Variants in HPSE2 observed in about 807,000 individuals in gnomAD.
HPSE2 encodes the protein inactive heparanase-2.
A neutral mutation model predicts 60.5 loss-of-function variants in HPSE2; 38 were observed. The ratio of observed to expected loss-of-function variants is 0.63; its 90% CI spans 0.48 to 0.82. The LOEUF is 0.82. HPSE2 is among the 40% of genes least tolerant of loss of function. The probability of loss-of-function intolerance (pLI) is 0.00; values close to 1 mark genes in which losing one functional copy is unlikely to be tolerated. For synonymous variants in HPSE2, 295 were observed against 293.2 expected (o/e 1.01, Z -0.06); for missense variants, 713 against 740.4 (o/e 0.96, Z 0.43).
chr10:98,525,427 TGCCATAAAA>T (rs1420242772), intron 9 of HPSE2, among the ~76,000 whole-genome samples: 2 of 152,202 alleles, frequency 1.3e-5, no homozygotes, highest in African/African-American at 4.8e-5. Context: ...CATAGGCATA[TGCCATAAAA>T]TGGAATAGGA....
At chr10:98,475,621 G>A (rs1029175428) in intron 11 of HPSE2, among the ~76,000 whole-genome samples, 2 of 152,144 alleles carry the variant, frequency 1.3e-5, no homozygotes, top group African/African-American at 4.8e-5. Flanking sequence ...GGAGTTGAAG[G>A]TGCCTGTGTA....
At chr10:99,152,856 G>C (rs1028713118) in intron 2 of HPSE2, among the ~76,000 whole-genome samples, 1 of 152,230 alleles carries the variant, frequency 6.6e-6, no homozygotes, top group Non-Finnish European at 1.5e-5. Flanking sequence ...CACCTCACTA[G>C]GGAGTGCCAG....
intron 2 of HPSE2, among the ~76,000 whole-genome samples, chr10:99,197,283 G>C (rs1323751809): frequency 6.6e-6 from 1 of 152,048 alleles, no homozygotes; most frequent in Non-Finnish European, 1.5e-5. Flanking sequence ...AAAATAGAAA[G>C]AATGAACAAG....
the HPSE2 span, among the ~76,000 whole-genome samples, chr10:99,268,728 ATAAT>A: frequency 1.7e-4 from 26 of 152,170 alleles, no homozygotes; most frequent in South Asian, 5.2e-3. Context: ...AATTAAATAA[ATAAT>A]AAATAAATAA....
rs539249304 is a variant in HPSE2, at chr10:98,633,383, T to G, written c.1098+8464A>C. ...CCCAGCTAATGTTTGTTTTCTTTTT[T>G]TGTGTGTGTGTGTAGATATGGGGTT... On this transcript the variant is annotated intron_variant, in intron 7 of 11. Transcript: ENST00000370552. Among the ~76,000 whole-genome samples the G allele has an allele frequency of 4.5e-4, 69 of 151,820 alleles. 1 individual carries two copies. The highest frequency in any genetic ancestry group is 3.3e-3 in the East Asian group (17 of 5,152).
intron 9 of HPSE2, among the ~76,000 whole-genome samples, chr10:98,565,724 G>T (rs1035324214): frequency 6.6e-6 from 1 of 152,086 alleles, no homozygotes; most frequent in Non-Finnish European, 1.5e-5. Context: ...ATGGTTTCTG[G>T]TTCTAGAAAA....
intron 3 of HPSE2, among the ~76,000 whole-genome samples, chr10:98,922,379 T>G (rs576693832): frequency 4.6e-5 from 7 of 152,276 alleles, no homozygotes; most frequent in African/African-American, 1.4e-4. Context: ...TTGGGGTACC[T>G]AGCATCTTTT....
intron 3 of HPSE2, among the ~76,000 whole-genome samples, chr10:99,049,717 AATTATT>A (rs796969185): frequency 6.6e-6 from 1 of 152,138 alleles, no homozygotes; most frequent in Admixed American, 6.6e-5. Context: ...CCAGATAAAT[AATTATT>A]AACAAATAAT....
At chr10:98,470,538 G>A (rs1213737332) in intron 11 of HPSE2, among the ~76,000 whole-genome samples, 3 of 152,198 alleles carry the variant, frequency 2.0e-5, no homozygotes, top group Non-Finnish European at 2.9e-5. Flanking sequence ...GGATAAGCTG[G>A]ATTAGAACTT....
chr10:98,700,339 G>C (rs199548194), intron 5 of HPSE2, among the ~76,000 whole-genome samples: 3 of 126,788 alleles, frequency 2.4e-5, no homozygotes, highest in Non-Finnish European at 3.6e-5. Context: ...AAATAACGCC[G>C]CATATCTACA....
At chr10:99,304,697 G>T in the HPSE2 span, among the ~76,000 whole-genome samples, 2 of 152,238 alleles carry the variant, frequency 1.3e-5, no homozygotes, top group African/African-American at 4.8e-5. Flanking sequence ...CAGGGCATTT[G>T]CCATTTCTGA....
At chr10:98,489,993 A>G in intron 10 of HPSE2, 58 bp downstream of exon 10, 1 of 1,607,282 alleles carries the variant, frequency 6.2e-7, no homozygotes, top group South Asian at 1.1e-5. Context: ...AGGGGTCCCA[A>G]ATGGTATGGG....
intron 2 of HPSE2, among the ~76,000 whole-genome samples, chr10:99,211,373 C>T (rs1240264737): frequency 1.3e-5 from 2 of 151,888 alleles, no homozygotes; most frequent in Non-Finnish European, 2.9e-5. Flanking sequence ...CATATGGAAG[C>T]CCAGAAGACC....
intron 9 of HPSE2, among the ~76,000 whole-genome samples, chr10:98,549,341 CTATTAT>C (rs375917802): frequency 3.3e-5 from 5 of 149,928 alleles, no homozygotes; most frequent in African/African-American, 7.3e-5. Flanking sequence ...TACAAAATAA[CTATTAT>C]TATTATTATT....
intron 3 of HPSE2, among the ~76,000 whole-genome samples, chr10:98,978,278 T>C (rs1956132347): frequency 1.3e-5 from 2 of 152,182 alleles, no homozygotes; most frequent in African/African-American, 2.4e-5. Context: ...TCATTTTCTA[T>C]AAGCAGGCCT....
chr10:99,133,677 A>G (rs1390570547), intron 3 of HPSE2, among the ~76,000 whole-genome samples: 2 of 152,224 alleles, frequency 1.3e-5, no homozygotes, highest in African/African-American at 4.8e-5. Flanking sequence ...ACTAACAAAT[A>G]GAAAAAAATA....
intron 3 of HPSE2, among the ~76,000 whole-genome samples, chr10:98,847,884 T>A (rs74154350): frequency 0.011 from 1,736 of 152,314 alleles, 45 homozygotes; most frequent in African/African-American, 0.039. Context: ...GGGACCAGAC[T>A]TAAGTTTCCC....
At chr10:99,292,589 G>A in the HPSE2 span, among the ~76,000 whole-genome samples, 186 of 151,992 alleles carry the variant, frequency 1.2e-3, 1 homozygote, top group Admixed American at 4.9e-3. Context: ...ACAAATATGA[G>A]CCACACATAT....
chr10:99,083,577 T>C (rs923356196), intron 3 of HPSE2, among the ~76,000 whole-genome samples: 5 of 152,224 alleles, frequency 3.3e-5, no homozygotes, highest in African/African-American at 1.2e-4. Context: ...CTTCTAAATA[T>C]TTTACTTCCT....
Sources: gnomAD v4.1 joint callset for allele counts (sites outside exome capture counted in the v4.1 genomes callset) on GRCh38, gnomAD v4.1.1 for gene constraint, MANE v1.5 for transcripts, NCBI Gene and HGNC (gene_info 2026-07-23, HGNC 2026-07-21) for gene names.